The following PDE4B variants were observed in gnomAD, a reference collection of about 807,000 sequenced individuals.
PDE4B encodes 3',5'-cyclic-AMP phosphodiesterase 4B.
PDE4B carries 20 observed loss-of-function variants against 82.2 expected under a neutral mutation model. The observed-to-expected ratio is 0.24, with a 90% CI of 0.17 to 0.35. PDE4B has a LOEUF of 0.35. Ranked by LOEUF, PDE4B falls within the 10% of genes least tolerant of loss-of-function variation. The probability of loss-of-function intolerance (pLI) is 1.00; values close to 1 mark genes in which losing one functional copy is unlikely to be tolerated. For synonymous variants in PDE4B, 320 were observed against 318.9 expected (o/e 1.00, Z -0.04); for missense variants, 655 against 907.2 (o/e 0.72, Z 3.57).
intron 3 of PDE4B, among the ~76,000 whole-genome samples, chr1:65,957,367 C>A (rs1649314786): frequency 6.6e-6 from 1 of 152,046 alleles, no homozygotes; most frequent in Non-Finnish European, 1.5e-5. Flanking sequence ...TTTCCAATGC[C>A]ATGTCTGTTA....
At chr1:66,126,918 C>T (rs931324146) in intron 3 of PDE4B, among the ~76,000 whole-genome samples, 14 of 152,260 alleles carry the variant, frequency 9.2e-5, no homozygotes, top group Middle Eastern at 3.4e-3. Context: ...ATACTTCAAG[C>T]GTGCATCACT....
At chr1:66,317,354 C>T (rs749715335) in intron 7 of PDE4B, among the ~76,000 whole-genome samples, 67 of 152,132 alleles carry the variant, frequency 4.4e-4, no homozygotes, top group Non-Finnish European at 8.4e-4. Context: ...CAAACCCTAC[C>T]CCGCACACTT....
intron 3 of PDE4B, among the ~76,000 whole-genome samples, chr1:66,105,954 T>G (rs1645343041): frequency 1.3e-5 from 2 of 152,116 alleles, no homozygotes; most frequent in Admixed American, 6.6e-5. Flanking sequence ...CTAATTGCCC[T>G]GGCCAGCACT....
rs1020147682 is a variant in PDE4B, at chr1:66,096,511, T to C, written c.282-150949T>C. 6.6e-4 allele frequency among the ~76,000 whole-genome samples: 88 copies of C among 132,914 alleles called. 8 individuals are homozygous for C. The highest frequency in any genetic ancestry group is 1.1e-3 in the South Asian group (4 of 3,642). 87.2% of individuals were successfully genotyped at this position (132,914 alleles called of 152,430 possible). A position where few individuals can be genotyped will look rare whatever the true frequency, so the allele number is the denominator to read the frequency against. The stretch of plus-strand genomic sequence containing the variant: ...AATGCGGTATAAGTAAAAAAAATTA[T>C]ATATATATATATATATATATATATA... On this transcript the variant is annotated intron_variant, in intron 3 of 16. Transcript: ENST00000341517.
chr1:65,992,842 G>A, intron 3 of PDE4B: 1 of 1,567,038 alleles, frequency 6.4e-7, no homozygotes, highest in Admixed American at 1.9e-5. Flanking sequence ...CTGACCTGCA[G>A]CAGTGTCTCT....
intron 3 of PDE4B, among the ~76,000 whole-genome samples, chr1:65,981,348 G>A (rs78471055): frequency 0.01 from 1,550 of 152,128 alleles, 21 homozygotes; most frequent in African/African-American, 0.035. Flanking sequence ...GCATTCAGGC[G>A]AAATTATTTT....
intron 1 of PDE4B, among the ~76,000 whole-genome samples, chr1:65,900,033 T>TA (rs901477661): frequency 1.3e-5 from 2 of 151,804 alleles, no homozygotes; most frequent in Admixed American, 6.6e-5. Context: ...CGTATGGAAA[T>TA]AAAAAAATAA....
intron 3 of PDE4B, among the ~76,000 whole-genome samples, chr1:66,113,300 C>G (rs952668302): frequency 1.3e-5 from 2 of 152,116 alleles, no homozygotes; most frequent in African/African-American, 4.8e-5. Context: ...CTTTAACTAG[C>G]ACTTTGGGAA....
intron 8 of PDE4B, among the ~76,000 whole-genome samples, chr1:66,343,756 G>A (rs186161633): frequency 6.6e-6 from 1 of 152,264 alleles, no homozygotes; most frequent in African/African-American, 2.4e-5. Flanking sequence ...GATCATTTAA[G>A]AAATTTGTTG....
intron 3 of PDE4B, among the ~76,000 whole-genome samples, chr1:66,121,929 A>C (rs1180406086): frequency 1.3e-5 from 2 of 151,398 alleles, no homozygotes; most frequent in Admixed American, 6.6e-5. Flanking sequence ...AACTTTCTCT[A>C]CTTCTTTCTG....
At chr1:66,309,222 A>T (rs1053276790) in intron 7 of PDE4B, among the ~76,000 whole-genome samples, 1 of 152,250 alleles carries the variant, frequency 6.6e-6, no homozygotes, top group Non-Finnish European at 1.5e-5. Flanking sequence ...ATTCTGCAAT[A>T]CAAATATAAA....
At chr1:65,928,125 G>A (rs1350903758) in intron 3 of PDE4B, among the ~76,000 whole-genome samples, 1 of 151,582 alleles carries the variant, frequency 6.6e-6, no homozygotes, top group East Asian at 1.9e-4. Context: ...GTCTCCTTGG[G>A]GAAGGATGGG....
At chr1:66,293,379 T>A (rs2101816979) in intron 7 of PDE4B, among the ~76,000 whole-genome samples, 1 of 152,310 alleles carries the variant, frequency 6.6e-6, no homozygotes, top group Admixed American at 6.5e-5. Flanking sequence ...CGATGACTTA[T>A]TTTTTGTCAT....
intron 3 of PDE4B, among the ~76,000 whole-genome samples, chr1:66,193,133 T>C (rs1017903907): frequency 3.9e-5 from 6 of 152,198 alleles, no homozygotes; most frequent in South Asian, 2.1e-4. Flanking sequence ...TTCATGATCA[T>C]ATATGGAAAG....
chr1:66,122,248 C>T (rs1645724226), intron 3 of PDE4B, among the ~76,000 whole-genome samples: 1 of 152,164 alleles, frequency 6.6e-6, no homozygotes, highest in African/African-American at 2.4e-5. Context: ...TTAACACATG[C>T]AAAACACTCA....
intron 3 of PDE4B, among the ~76,000 whole-genome samples, chr1:66,155,249 C>G (rs1646480214): frequency 6.6e-6 from 1 of 152,044 alleles, no homozygotes. Flanking sequence ...TTCTTCTGCT[C>G]TCCTTCCCTC....
At chr1:66,142,111 T>C (rs982444782) in intron 3 of PDE4B, among the ~76,000 whole-genome samples, 1 of 152,138 alleles carries the variant, frequency 6.6e-6, no homozygotes. Context: ...ATACTTATTA[T>C]TTATTAAGTG....
chr1:66,238,380 T>C lies in PDE4B; in HGVS notation c.282-9080T>C, dbSNP rs141890516. On this transcript the variant is annotated intron_variant, in intron 3 of 16. Transcript: ENST00000341517. ...GGCAAGGGCTAGATTATGTGAAAAT[T>C]TGTGATCCATGGCAAGGAGTTTGGA... 1.2e-3 allele frequency among the ~76,000 whole-genome samples: 182 copies of C among 152,180 alleles called. 1 individual carries two copies. Among genetic ancestry groups the C allele is most frequent in the African/African-American group, 4.1e-3 (170 of 41,500 alleles).
Position 66,361,728 on chromosome 1 carries a change from A to G in PDE4B, c.955A>G (p.Ser319Gly). The G allele has an allele frequency of 6.2e-7, 1 of 1,613,636 alleles. No homozygotes were observed. Among genetic ancestry groups the G allele is most frequent in the Non-Finnish European group, 8.5e-7 (1 of 1,179,640 alleles). Residue 319 changes from serine to glycine, a missense_variant, in exon 10 of 17, where the codon AGC (serine) becomes GGC (glycine). Transcript: ENST00000341517. ...AGTGAAGAAATTAATGCATAGTTCA[A>G]GCCTAAACAATACAAGCATCTCACG... ...SGVKKLMHSSSLNNTSISRFG... is the reference protein window; with the variant it reads ...SGVKKLMHSSGLNNTSISRFG...
Sources: allele counts gnomAD v4.1 joint callset (sites outside exome capture counted in the v4.1 genomes callset), GRCh38; gene constraint gnomAD v4.1.1; transcripts MANE v1.5; gene names NCBI Gene and HGNC (gene_info 2026-07-23, HGNC 2026-07-21).